The following VAV1 variants were observed in gnomAD, a reference collection of about 807,000 sequenced individuals.
The protein encoded by VAV1 is vav guanine nucleotide exchange factor 1.
In VAV1, 33 loss-of-function variants were observed where a neutral mutation model predicts 128.1. That is an observed-to-expected ratio of 0.26 (90% confidence interval 0.20 to 0.34). VAV1 has a LOEUF of 0.34. Ranked by LOEUF, VAV1 falls within the 10% of genes least tolerant of loss-of-function variation. The pLI is 1.00. For missense variants in VAV1, 715 were observed against 1,093.7 expected (o/e 0.65, Z 4.88); for synonymous variants, 394 against 409.8 (o/e 0.96, Z 0.47).
chr19:6,856,949 A>G, intron 26 of VAV1, 105 bp from the exon 27 acceptor site: 1 of 909,606 alleles, frequency 1.1e-6, no homozygotes, highest in Non-Finnish European at 1.8e-6. Context: ...CAGAAGGAAG[A>G]GCAGGTGCAA....
chr19:6,826,359 A>T lies in VAV1; in HGVS notation c.828-253A>T, dbSNP rs1390095946. Among the ~76,000 whole-genome samples the T allele has an allele frequency of 6.6e-6, 1 of 152,152 alleles. No individual in the cohort carries two copies. On this transcript the variant is annotated intron_variant, in intron 8 of 26. Coordinates refer to ENST00000602142, the MANE Select transcript of VAV1 (RefSeq NM_005428.4). This position sits in a 1 kb window ranked among gnomAD's most constrained non-coding sequence, Gnocchi z 4.1. ...GTCTCAAAAATAAATAAATTAATTAAATTAAATAAAAATAAATAAACATTG... is the reference window on the plus strand; with the variant it reads ...GTCTCAAAAATAAATAAATTAATTATATTAAATAAAAATAAATAAACATTG...
chr19:6,790,141 G>C (rs557777152), intron 1 of VAV1, among the ~76,000 whole-genome samples: 72 of 152,292 alleles, frequency 4.7e-4, no homozygotes, highest in Non-Finnish European at 7.1e-4. Context: ...TCGTGCAAGT[G>C]CACTCCAGCC....
At chr19:6,798,726 G>A (rs1234856618) in intron 1 of VAV1, among the ~76,000 whole-genome samples, 2 of 151,238 alleles carry the variant, frequency 1.3e-5, no homozygotes, top group African/African-American at 4.9e-5. Context: ...GCCCAGACTG[G>A]CCTTGAACTC....
chr19:6,805,389 C>T (rs1168072212), intron 1 of VAV1, among the ~76,000 whole-genome samples: 7 of 152,108 alleles, frequency 4.6e-5, no homozygotes, highest in Admixed American at 2.0e-4. Context: ...CATAATACTG[C>T]ACTCTAGCCT....
At chr19:6,806,243 C>T (rs543288616) in intron 1 of VAV1, among the ~76,000 whole-genome samples, 5 of 152,190 alleles carry the variant, frequency 3.3e-5, no homozygotes, top group African/African-American at 9.6e-5. Flanking sequence ...CATTCCACCA[C>T]GCCCAGCTAA....
At chr19:6,854,742 G>A (rs536860911) in intron 26 of VAV1, among the ~76,000 whole-genome samples, 112 of 152,182 alleles carry the variant, frequency 7.4e-4, no homozygotes, top group African/African-American at 2.6e-3. Flanking sequence ...AAGAGATTGT[G>A]GTGGAGAATC....
chr19:6,814,699 T>C (rs10419995), intron 1 of VAV1, among the ~76,000 whole-genome samples: 767 of 124,924 alleles, frequency 6.1e-3, no homozygotes, highest in African/African-American at 0.011. Context: ...TTTCTTTCTT[T>C]CTTTCTTTCT....
chr19:6,853,730 CAAA>C (rs371494493), intron 25 of VAV1, among the ~76,000 whole-genome samples: 1 of 136,094 alleles, frequency 7.3e-6, no homozygotes, highest in Non-Finnish European at 1.6e-5. Context: ...GACTTTATCT[CAAA>C]AAAAAAAAAA....
chr19:6,821,982 A>C, intron 4 of VAV1, 123 bp downstream of exon 4: 1 of 1,355,086 alleles, frequency 7.4e-7, no homozygotes, highest in South Asian at 1.2e-5. Context: ...GGGGCACACA[A>C]CCTTGCCTGA....
At chr19:6,825,475 A>C (rs1314887612) in intron 8 of VAV1, 69 bp downstream of exon 8, 9 of 1,365,616 alleles carry the variant, frequency 6.6e-6, no homozygotes, top group Non-Finnish European at 9.2e-6. Flanking sequence ...CATCTGAGAG[A>C]CCTTACCCTC....
chr19:6,836,833 G>GACACACACAC (rs60215253), intron 20 of VAV1, 152 bp from the exon 21 acceptor site: 9 of 874,170 alleles, frequency 1.0e-5, no homozygotes, highest in Non-Finnish European at 1.4e-5. Flanking sequence ...CAGAGAGATG[G>GACACACACAC]ACACACACAC....
In VAV1 at chr19:6,828,546, T is replaced by C; in HGVS notation, c.1092+59T>C. The C allele has an allele frequency of 2.5e-6, 4 of 1,613,842 alleles. No homozygotes were observed. In the South Asian group the frequency reaches 4.4e-5, roughly 18 times the overall value. On this transcript the variant is annotated intron_variant, in intron 11 of 26. Transcript: ENST00000602142. This position sits in a 1 kb window ranked among gnomAD's most constrained non-coding sequence, Gnocchi z 4.5. ...CTGCAGACACCCTCCTGGTAGGGGCTGATCCTCTAGCCGGGATTAGGTAGG... is the reference window on the plus strand; with the variant it reads ...CTGCAGACACCCTCCTGGTAGGGGCCGATCCTCTAGCCGGGATTAGGTAGG...
intron 1 of VAV1, among the ~76,000 whole-genome samples, chr19:6,774,452 T>TTTTA (rs1970576652): frequency 8.4e-6 from 1 of 118,360 alleles, no homozygotes; most frequent in African/African-American, 3.4e-5. Flanking sequence ...TTTTTTTTTT[T>TTTTA]AAAGACAGGG....
rs377363083 is a variant in VAV1 at position 6,819,264 on chromosome 19, A to T, written c.205-1438A>T. On this transcript the variant is annotated intron_variant, in intron 1 of 26. Coordinates refer to ENST00000602142, the MANE Select transcript of VAV1 (RefSeq NM_005428.4). ...TCTAAGAAGTTATGTTTCTGAACCTATTGAGCCTTTATAGGAACATATGAA... is the reference window on the plus strand; with the variant it reads ...TCTAAGAAGTTATGTTTCTGAACCTTTTGAGCCTTTATAGGAACATATGAA... Among the ~76,000 whole-genome samples, 30 of 152,318 alleles carry T rather than the reference A, an allele frequency of 2.0e-4. 1 individual carries two copies. The East Asian group carries it at 4.4e-3, about 23-fold the overall frequency.
intron 14 of VAV1, 93 bp downstream of exon 14, chr19:6,830,011 C>T: frequency 6.3e-7 from 1 of 1,579,762 alleles, no homozygotes; most frequent in Non-Finnish European, 8.6e-7. Context: ...CAGACTACAT[C>T]TACATGGAAG....
chr19:6,796,690 T>C (rs1971143953), intron 1 of VAV1, among the ~76,000 whole-genome samples: 1 of 152,214 alleles, frequency 6.6e-6, no homozygotes, highest in African/African-American at 2.4e-5. Context: ...ACTCTCTCAA[T>C]GAGGCTTCCT....
At chr19:6,801,651 A>T (rs1006114036) in intron 1 of VAV1, among the ~76,000 whole-genome samples, 1 of 152,096 alleles carries the variant, frequency 6.6e-6, no homozygotes. Flanking sequence ...TCCCCAACCA[A>T]GCCCTGGTAA....
chr19:6,787,492 C>T (rs1290218176), intron 1 of VAV1, among the ~76,000 whole-genome samples: 1 of 152,250 alleles, frequency 6.6e-6, no homozygotes, highest in South Asian at 2.1e-4. Flanking sequence ...TCTCTTAACT[C>T]TGCTTTCTTG....
At chr19:6,855,746 C>A (rs924859044) in intron 26 of VAV1, among the ~76,000 whole-genome samples, 3 of 152,114 alleles carry the variant, frequency 2.0e-5, no homozygotes, top group Non-Finnish European at 4.4e-5. Flanking sequence ...CATCCGACCA[C>A]CATCCACTCA....
Sources: gnomAD v4.1 joint callset for allele counts (sites outside exome capture counted in the v4.1 genomes callset) on GRCh38, gnomAD v4.1.1 for gene constraint, Gnocchi (gnomAD v3.1) non-coding constraint, MANE v1.5 for transcripts, NCBI Gene and HGNC (gene_info 2026-07-23, HGNC 2026-07-21) for gene names.